The following PRDM1 variants were observed in gnomAD, a reference collection of about 807,000 sequenced individuals.
PRDM1 encodes the protein PR/SET domain 1, also known as PR domain zinc finger protein 1.
In PRDM1, 13 loss-of-function variants were observed where a neutral mutation model predicts 62.8. The observed-to-expected ratio is 0.21, with a 90% CI of 0.13 to 0.33. The LOEUF is 0.33. PRDM1 is among the 10% of genes least tolerant of loss of function. PRDM1 has a pLI of 1.00. For missense variants in PRDM1, 895 were observed against 1,058.8 expected, an observed-to-expected ratio of 0.85 and a Z score of 2.15; for synonymous variants, 396 against 417.6, an observed-to-expected ratio of 0.95 and a Z score of 0.63.
intron 1 of PRDM1, among the ~76,000 whole-genome samples, chr6:106,013,954 A>ATT (rs1162655827): frequency 8.0e-5 from 12 of 149,722 alleles, no homozygotes; most frequent in African/African-American, 2.7e-4. Flanking sequence ...ATCCTGCTTT[A>ATT]TTTTATTCCT....
intron 3 of PRDM1, 76 bp downstream of exon 3, chr6:106,095,810 T>C: frequency 6.6e-7 from 1 of 1,514,428 alleles, no homozygotes. Flanking sequence ...TGGCTCACCT[T>C]TCTCATCCTG....
chr6:106,068,392 C>T (rs1343506466), intron 1 of PRDM1, among the ~76,000 whole-genome samples: 1 of 152,062 alleles, frequency 6.6e-6, no homozygotes, highest in Non-Finnish European at 1.5e-5. Context: ...GTGCCTGGCC[C>T]ACCCTGTTCT....
At chr6:106,031,465 G>C (rs548464084) in intron 1 of PRDM1, among the ~76,000 whole-genome samples, 1 of 152,300 alleles carries the variant, frequency 6.6e-6, no homozygotes, top group South Asian at 2.1e-4. Flanking sequence ...AAAAAAATGA[G>C]GATGTTGGGG....
In PRDM1 at chr6:106,042,628, G is replaced by T. The variant is rs114808767; in HGVS notation, c.-66-45573G>T. On this transcript the variant is annotated intron_variant, in intron 1 of 6. Transcript: ENST00000652320. ...GAACGTTTAACTTCTGGTTTTTCTAGAGTTGTCCTCAGAATAAAACCTGGT... is the reference window on the plus strand; with the variant it reads ...GAACGTTTAACTTCTGGTTTTTCTATAGTTGTCCTCAGAATAAAACCTGGT... 5.9e-3 allele frequency among the ~76,000 whole-genome samples: 902 copies of T among 151,994 alleles called. 13 individuals are homozygous for T. Among genetic ancestry groups the T allele is most frequent in the African/African-American group, 0.021 (857 of 41,492 alleles).
intron 3 of PRDM1, chr6:106,098,117 A>G (rs1432340295): frequency 5.2e-6 from 4 of 770,844 alleles, no homozygotes; most frequent in Non-Finnish European, 6.3e-6. Flanking sequence ...TACGTGAGTA[A>G]GGAAAAGCAA....
intron 2 of PRDM1, among the ~76,000 whole-genome samples, chr6:106,094,529 A>C (rs975787346): frequency 6.6e-6 from 1 of 152,196 alleles, no homozygotes; most frequent in African/African-American, 2.4e-5. Context: ...CACAAAGTTA[A>C]AATGTGTGAT....
At chr6:106,038,014 C>CTTTTTTTTTTTTTTTTGTTTTTTTTTTT (rs1772945491) in intron 1 of PRDM1, among the ~76,000 whole-genome samples, 1 of 47,800 alleles carries the variant, frequency 2.1e-5, no homozygotes, top group African/African-American at 8.6e-5. Flanking sequence ...CTATTTTTGT[C>CTTTTTTTTTTTTTTTTGTTTTTTTTTTT]TTTTTTTTTT....
rs587778624 is a variant in PRDM1, at chr6:106,099,336, G to A, written c.448G>A (p.Gly150Ser). 2 of 1,614,050 alleles carry A rather than the reference G, an allele frequency of 1.2e-6. No homozygotes were observed. The highest frequency in any genetic ancestry group is 1.7e-6 in the Non-Finnish European group (2 of 1,180,000). ...AGGGGAGCTTCACCACTTCATTGACGGCTTTAATGAAGAGAAAAGCAACTG... is the reference window on the plus strand; with the variant it reads ...AGGGGAGCTTCACCACTTCATTGACAGCTTTAATGAAGAGAAAAGCAACTG... The part of the protein sequence containing the change: ...SRGELHHFID[G>S]FNEEKSNWMR... The change falls in exon 4 of 7, where the codon GGC becomes AGC. Residue 150 changes from glycine (G) to serine (S), a missense_variant. By Grantham distance (56) the Gly-to-Ser change is moderately conservative. Coordinates refer to ENST00000369096, the MANE Select transcript of PRDM1 (RefSeq NM_001198.4).
At chr6:106,057,420 C>A (rs1773283110) in intron 1 of PRDM1, among the ~76,000 whole-genome samples, 1 of 152,148 alleles carries the variant, frequency 6.6e-6, no homozygotes, top group African/African-American at 2.4e-5. Flanking sequence ...ATATCTGTAG[C>A]CTTCTTTTAT....
intron 1 of PRDM1, among the ~76,000 whole-genome samples, chr6:106,036,338 A>C (rs572024117): frequency 6.6e-6 from 1 of 152,162 alleles, no homozygotes; most frequent in Non-Finnish European, 1.5e-5. Flanking sequence ...ACTTAAGTAG[A>C]GACAGGGTTT....
In PRDM1 at chr6:106,107,329, T is replaced by C. The variant is rs779800934; in HGVS notation, c.2321T>C (p.Val774Ala). The C allele has an allele frequency of 6.2e-7, 1 of 1,614,072 alleles. No individual in the cohort carries two copies. Among genetic ancestry groups the C allele is most frequent in the Non-Finnish European group, 8.5e-7 (1 of 1,180,018 alleles). ...RKEKEETGLK[V>A]SLQRNMGNGL... The stretch of plus-strand genomic sequence containing the variant: ...GAGAAAGAAGAAACTGGCCTGAAAG[T>C]GTCTTTGCAAAGAAACATGGGGAAT... Residue 774 changes from valine (V) to alanine (A), a missense_variant, in exon 7 of 7, where the codon GTG becomes GCG. By Grantham distance (64) the Val-to-Ala change is moderately conservative (BLOSUM62 0). Coordinates refer to ENST00000369096, the MANE Select transcript of PRDM1 (RefSeq NM_001198.4).
rs760651087 is a variant in PRDM1 at position 106,086,609 on chromosome 6, AT to A, written c.42+26del. On this transcript the variant is annotated intron_variant, in intron 1 of 6. Coordinates refer to ENST00000369096, the MANE Select transcript of PRDM1 (RefSeq NM_001198.4). ...GGTACGACCTTGGTAAGGAACTTGA[AT>A]TTTTTTTTTTTAATTCTGAAATTGA... is the stretch of plus-strand genomic sequence containing the variant. The A allele has an allele frequency of 0.011, 13,156 of 1,159,558 alleles. 1 individual carries two copies. Among genetic ancestry groups the A allele is most frequent in the South Asian group, 0.015 (858 of 58,186 alleles). The allele number at this position is 1,159,558 out of a possible 1,614,324, so 71.8% of individuals were successfully genotyped here.
intron 1 of PRDM1, among the ~76,000 whole-genome samples, chr6:106,005,600 A>G (rs1007815432): frequency 6.6e-6 from 1 of 152,240 alleles, no homozygotes; most frequent in Non-Finnish European, 1.5e-5. Context: ...GGGTTTATAA[A>G]GCTTGACTAT....
intron 1 of PRDM1, among the ~76,000 whole-genome samples, chr6:106,003,683 G>T (rs547190738): frequency 6.6e-6 from 1 of 152,144 alleles, no homozygotes; most frequent in Admixed American, 6.6e-5. Context: ...TAGGAAGAAG[G>T]CCTCCTAGTA....
At chr6:106,013,370 C>T (rs1207434187) in intron 1 of PRDM1, among the ~76,000 whole-genome samples, 7 of 144,714 alleles carry the variant, frequency 4.8e-5, no homozygotes, top group African/African-American at 7.7e-5. Flanking sequence ...CTTTGTTGCT[C>T]GGGCTGGAGT....
In PRDM1 at chr6:106,017,226, C is replaced by A. The variant is rs936248237; in HGVS notation, c.-67+23587C>A. On this transcript the variant is annotated intron_variant, in intron 1 of 6. Transcript: ENST00000652320. ...TGACTGCACAGGAGAATTGGTGCCC[C>A]AACCCCCTCATTGCTCAATGGACAA... is the stretch of plus-strand genomic sequence containing the variant. Among the ~76,000 whole-genome samples, 21 of 152,190 alleles carry A rather than the reference C, an allele frequency of 1.4e-4. 1 individual carries two copies. Among genetic ancestry groups the A allele is most frequent in the Admixed American group, 3.3e-4 (5 of 15,282 alleles).
At position 106,108,317 on chromosome 6, in the gene PRDM1, C is replaced by T. The variant is rs1300275171; in HGVS notation, c.*831C>T. On this transcript the variant is annotated 3_prime_UTR_variant, in exon 7 of 7. Coordinates refer to ENST00000369096, the MANE Select transcript of PRDM1 (RefSeq NM_001198.4). ...CTCCAAAAGAGCAGAATCCTCCCACCGCCCTGCCCTCCCCACCGAGTCCTG... is the reference window on the plus strand; with the variant it reads ...CTCCAAAAGAGCAGAATCCTCCCACTGCCCTGCCCTCCCCACCGAGTCCTG... 3.4e-5 allele frequency: 8 copies of T among 233,474 alleles called. No homozygotes were observed. Among genetic ancestry groups the T allele is most frequent in the East Asian group, 1.8e-4 (3 of 16,712 alleles). The allele number at this position is 233,474 out of a possible 1,614,324, so 14.5% of individuals were successfully genotyped here. A position where few individuals can be genotyped will look rare whatever the true frequency, so the allele number is the denominator to read the frequency against.
intron 1 of PRDM1, among the ~76,000 whole-genome samples, chr6:106,067,259 C>T (rs1396340692): frequency 1.3e-5 from 2 of 152,138 alleles, no homozygotes; most frequent in Non-Finnish European, 2.9e-5. Flanking sequence ...TGGTCAAAAA[C>T]TTAGTGGATA....
chr6:106,044,913 T>G (rs1182907698), upstream of PRDM1, among the ~76,000 whole-genome samples: 1 of 152,252 alleles, frequency 6.6e-6, no homozygotes, highest in East Asian at 1.9e-4. Flanking sequence ...TTAAAGTGAC[T>G]AGAGAAAACA....
Sources: gnomAD v4.1 joint callset for allele counts (sites outside exome capture counted in the v4.1 genomes callset) on GRCh38, gnomAD v4.1.1 for gene constraint, MANE v1.5 for transcripts, NCBI Gene and HGNC (gene_info 2026-07-23, HGNC 2026-07-21) for gene names.